DLGAP2: variants seen among roughly 807,000 people sequenced by gnomAD.
The protein encoded by DLGAP2 is DLG associated protein 2.
DLGAP2 carries 26 observed loss-of-function variants against 100.3 expected under a neutral mutation model. The observed-to-expected ratio is 0.26, with a 90% confidence interval of 0.19 to 0.36. The LOEUF is 0.36. Ranked by LOEUF, DLGAP2 falls within the 10% of genes least tolerant of loss-of-function variation. DLGAP2 has a pLI of 1.00. For missense variants in DLGAP2, 1,858 were observed against 1,453.2 expected (o/e 1.28, Z -4.53); for synonymous variants, 886 against 630.1 (o/e 1.41, Z -6.08).
Position 1,691,578 on chromosome 8 carries a change from C to T in DLGAP2, c.2748C>T (p.Leu916=). ...IRSAVGSAQL[L]MSQKFQQFYW... is the part of the protein sequence containing the mutation. ...GTGCTGTTGGGAGTGCCCAGCTTCTCATGTCCCAGAAATTCCAGCAGTTTT... is the reference window on the plus strand; with the variant it reads ...GTGCTGTTGGGAGTGCCCAGCTTCTTATGTCCCAGAAATTCCAGCAGTTTT... The change falls in exon 13 of 15, where the codon CTC becomes CTT. Residue 916 remains leucine (L), a synonymous_variant. Coordinates refer to ENST00000637795, the MANE Select transcript of DLGAP2 (RefSeq NM_001346810.2). 10 of 1,614,142 alleles carry T rather than the reference C, an allele frequency of 6.2e-6. No individual in the cohort carries two copies. The highest frequency in any genetic ancestry group is 8.5e-6 in the Non-Finnish European group (10 of 1,179,992).
chr8:1,111,042 C>T (rs573657736), intron 2 of DLGAP2, among the ~76,000 whole-genome samples: 1 of 152,334 alleles, frequency 6.6e-6, no homozygotes, highest in East Asian at 1.9e-4. Context: ...ACATGCTCCA[C>T]ACCCGTGTGC....
intron 6 of DLGAP2, among the ~76,000 whole-genome samples, chr8:1,586,904 T>A (rs1796138727): frequency 6.6e-6 from 1 of 152,188 alleles, no homozygotes. Flanking sequence ...CTCTGAAGCT[T>A]TTATGCTTTC....
chr8:1,458,659 G>A (rs748472817), intron 3 of DLGAP2, among the ~76,000 whole-genome samples: 17 of 152,208 alleles, frequency 1.1e-4, no homozygotes, highest in Non-Finnish European at 2.1e-4. Context: ...ACAGACCTGC[G>A]TGTGGCTTCA....
chr8:881,666 A>ATGTATATATATATATATATATACACACAT, intron 1 of DLGAP2, among the ~76,000 whole-genome samples: 12 of 131,074 alleles, frequency 9.2e-5, no homozygotes, highest in East Asian at 2.0e-4. Flanking sequence ...CTTGTGGCTG[A>ATGTATATATATATATATATATACACACAT]ACACACACAC....
At chr8:1,222,647 G>A (rs971382969) in intron 2 of DLGAP2, among the ~76,000 whole-genome samples, 3 of 151,994 alleles carry the variant, frequency 2.0e-5, no homozygotes, top group African/African-American at 7.2e-5. Flanking sequence ...ACGGTGGGGG[G>A]AGGCTGCTGG....
intron 11 of DLGAP2, among the ~76,000 whole-genome samples, 198 bp from the exon 12 acceptor site, chr8:1,678,016 T>TTAAAG (rs1392966151): frequency 1.8e-4 from 27 of 152,186 alleles, no homozygotes; most frequent in African/African-American, 6.0e-4. Context: ...TAGGCAGATG[T>TTAAAG]TAAAGTATAA....
intron 1 of DLGAP2, among the ~76,000 whole-genome samples, chr8:863,230 G>C (rs1797426502): frequency 6.6e-6 from 1 of 152,148 alleles, no homozygotes; most frequent in Admixed American, 6.5e-5. Flanking sequence ...CTGGAAATTG[G>C]GGTCTGGACA....
intron 2 of DLGAP2, chr8:1,019,678 A>T (rs1488767695): frequency 6.6e-6 from 1 of 152,176 alleles, no homozygotes; most frequent in Non-Finnish European, 1.5e-5. Flanking sequence ...CTTTGGTGTG[A>T]TTATACATAT....
chr8:873,923 C>G (rs780816726), intron 1 of DLGAP2, among the ~76,000 whole-genome samples: 18 of 152,236 alleles, frequency 1.2e-4, no homozygotes, highest in Admixed American at 3.3e-4. Flanking sequence ...ATTGTTTTCT[C>G]TTGAGTCAGT....
chr8:751,079 G>A (rs1179437642), intron 1 of DLGAP2, among the ~76,000 whole-genome samples: 56 of 127,960 alleles, frequency 4.4e-4, no homozygotes, highest in Middle Eastern at 5.1e-3. Flanking sequence ...CCTCTCACGG[G>A]AAGGAGCATT....
intron 4 of DLGAP2, among the ~76,000 whole-genome samples, chr8:1,545,252 C>G (rs923177207): frequency 1.3e-5 from 2 of 152,116 alleles, no homozygotes; most frequent in African/African-American, 4.8e-5. Flanking sequence ...GTGACACCAT[C>G]TGGTCCTGAA....
intron 2 of DLGAP2, among the ~76,000 whole-genome samples, chr8:1,044,175 G>A (rs2600514): frequency 0.3 from 45,931 of 152,028 alleles, 7,417 homozygotes; most frequent in Middle Eastern, 0.38. Context: ...CAGACTAGGG[G>A]CCCAATAAAG....
chr8:1,661,913 G>A (rs145708214), intron 8 of DLGAP2, among the ~76,000 whole-genome samples: 11 of 152,326 alleles, frequency 7.2e-5, no homozygotes, highest in African/African-American at 1.2e-4. Flanking sequence ...TGCAAAGCCC[G>A]CTGCTCACAG....
chr8:1,288,451 GGTTCT>G (rs1366878899), intron 3 of DLGAP2, among the ~76,000 whole-genome samples: 2 of 144,958 alleles, frequency 1.4e-5, no homozygotes, highest in Non-Finnish European at 3.0e-5. Flanking sequence ...GTGTGTGTGT[GGTTCT>G]GTTAGGAGGG....
At chr8:857,108 A>T (rs890757278) in intron 1 of DLGAP2, among the ~76,000 whole-genome samples, 1 of 152,264 alleles carries the variant, frequency 6.6e-6, no homozygotes, top group South Asian at 2.1e-4. Flanking sequence ...AGGAAAGGCC[A>T]TTCAATGGAG....
intron 1 of DLGAP2, among the ~76,000 whole-genome samples, chr8:898,091 CAT>C (rs1798180459): frequency 6.6e-6 from 1 of 152,196 alleles, no homozygotes; most frequent in African/African-American, 2.4e-5. Flanking sequence ...TTTGTAAAAA[CAT>C]GTATCAGGTC....
intron 1 of DLGAP2, among the ~76,000 whole-genome samples, chr8:831,417 C>T (rs1396305144): frequency 1.3e-5 from 2 of 152,028 alleles, no homozygotes; most frequent in African/African-American, 4.8e-5. Flanking sequence ...GCCCTGTGTC[C>T]AGGTGTTCTC....
At chr8:922,142 G>T (rs182782652) in intron 2 of DLGAP2, among the ~76,000 whole-genome samples, 1 of 152,210 alleles carries the variant, frequency 6.6e-6, no homozygotes, top group Non-Finnish European at 1.5e-5. Context: ...TTTCAGAGGC[G>T]CCGAGTTTTT....
intron 6 of DLGAP2, among the ~76,000 whole-genome samples, chr8:1,574,130 A>T (rs1383789961): frequency 6.6e-6 from 1 of 152,170 alleles, no homozygotes; most frequent in Non-Finnish European, 1.5e-5. Flanking sequence ...CAAAGACAGC[A>T]TATTTACGGG....
Sources: gnomAD v4.1 joint callset for allele counts (sites outside exome capture counted in the v4.1 genomes callset) on GRCh38, gnomAD v4.1.1 for gene constraint, MANE v1.5 for transcripts, NCBI Gene and HGNC (gene_info 2026-07-23, HGNC 2026-07-21) for gene names.